PIP4K2B: variants seen among roughly 807,000 people sequenced by gnomAD.
PIP4K2B encodes phosphatidylinositol 5-phosphate 4-kinase type-2 beta.
PIP4K2B carries 3 observed loss-of-function variants against 42.0 expected under a neutral mutation model. The ratio of observed to expected loss-of-function variants is 0.07; its 90% CI spans 0.03 to 0.18. The LOEUF (loss-of-function observed/expected upper bound fraction) is 0.18, where lower values mean the gene tolerates loss of function less well. PIP4K2B is among the 10% of genes least tolerant of loss of function. The probability of loss-of-function intolerance (pLI) is 1.00; values close to 1 mark genes in which losing one functional copy is unlikely to be tolerated. For missense variants in PIP4K2B, 332 were observed against 562.3 expected, an observed-to-expected ratio of 0.59 and a Z score of 4.14; for synonymous variants, 204 against 210.1, an observed-to-expected ratio of 0.97 and a Z score of 0.25.
rs1013426068 is a variant in PIP4K2B at position 38,770,993 on chromosome 17, C to T, written c.1066+21G>A. ...AGGATGAGGGCAGGGCTGTGCAGAG[C>T]AGGCGCAGGCTCTGACTTACTTTCA... On this transcript the variant is annotated intron_variant, in intron 8 of 9. Transcript: ENST00000619039. 7 of 1,613,532 alleles carry T rather than the reference C, an allele frequency of 4.3e-6. No individual in the cohort carries two copies. The Admixed American group carries it at 5.0e-5, about 12-fold the overall frequency.
chr17:38,770,164 G>C (rs1326536594), intron 9 of PIP4K2B, among the ~76,000 whole-genome samples: 1 of 152,222 alleles, frequency 6.6e-6, no homozygotes, highest in African/African-American at 2.4e-5. Flanking sequence ...AGGCCCAGCA[G>C]GCCCTGGGGA....
intron 2 of PIP4K2B, among the ~76,000 whole-genome samples, chr17:38,784,823 G>C (rs1416881714): frequency 1.3e-5 from 2 of 152,196 alleles, no homozygotes; most frequent in African/African-American, 2.4e-5. Context: ...CTCACCCGCT[G>C]GGCCATAAGC....
chr17:38,770,963 G>C (rs771591139), intron 8 of PIP4K2B, 51 bp downstream of exon 8: 23 of 1,602,314 alleles, frequency 1.4e-5, no homozygotes, highest in East Asian at 4.5e-5. Flanking sequence ...ATGAGCTGAG[G>C]GGGTAGGATG....
chr17:38,797,056 G>A (rs1338712824), intron 1 of PIP4K2B, among the ~76,000 whole-genome samples: 1 of 152,214 alleles, frequency 6.6e-6, no homozygotes, highest in African/African-American at 2.4e-5. Flanking sequence ...GGCCTCTGAA[G>A]CTTAGCCTGT....
chr17:38,791,989 G>A (rs1298297779), intron 1 of PIP4K2B, among the ~76,000 whole-genome samples: 2 of 151,644 alleles, frequency 1.3e-5, no homozygotes, highest in South Asian at 2.1e-4. Flanking sequence ...CCAGCTACTC[G>A]GGAGGCTGAG....
At chr17:38,777,201 C>A (rs920197189) in intron 7 of PIP4K2B, among the ~76,000 whole-genome samples, 2 of 152,150 alleles carry the variant, frequency 1.3e-5, no homozygotes, top group African/African-American at 4.8e-5. Flanking sequence ...GTAGCTGGGA[C>A]TACAGGTGTG....
Position 38,799,224 on chromosome 17 carries a change from C to G in PIP4K2B, c.159+42G>C. The G allele has an allele frequency of 6.5e-7, 1 of 1,536,368 alleles. No homozygotes were observed. The highest frequency in any genetic ancestry group is 8.7e-7 in the Non-Finnish European group (1 of 1,147,590). On this transcript the variant is annotated intron_variant, in intron 1 of 9. Transcript: ENST00000619039. The surrounding 1 kb of genome is among the most constrained non-coding windows in gnomAD (Gnocchi z 4.4). ...CCCAGGGCTGCAGGGGGCGTGGGAG[C>G]GCGCGGGGCCGCGCTCAGAGGGGCG...
rs373066391 is a variant in PIP4K2B, at chr17:38,772,133, CA to C, written c.808-862del. Among the ~76,000 whole-genome samples the C allele has an allele frequency of 7.2e-4, 109 of 152,266 alleles. 1 individual carries two copies. The South Asian group carries it at 0.022, about 31-fold the overall frequency. On this transcript the variant is annotated intron_variant, in intron 7 of 9. Transcript: ENST00000619039. ...ATGGATATGACACAACAATATATTTCAGATCAAAATTTCAACCCATTATGAG... is the reference window on the plus strand; with the variant it reads ...ATGGATATGACACAACAATATATTTCGATCAAAATTTCAACCCATTATGAG...
rs772692277 is a variant in PIP4K2B at position 38,780,437 on chromosome 17, T to G, written c.507+15A>C. 2 of 1,600,404 alleles carry G rather than the reference T, an allele frequency of 1.2e-6. No individual in the cohort carries two copies. The highest frequency in any genetic ancestry group is 2.2e-5 in the South Asian group (2 of 90,442). ...CAACCCATCCTCTGCAGCCCAGGCT[T>G]GGGACTCACCATACCTGGTGGTATT... On this transcript the variant is annotated intron_variant, in intron 4 of 9. Coordinates refer to ENST00000619039, the MANE Select transcript of PIP4K2B (RefSeq NM_003559.5).
chr17:38,790,295 T>C (rs1033690722), intron 1 of PIP4K2B, among the ~76,000 whole-genome samples: 15 of 152,164 alleles, frequency 9.9e-5, no homozygotes, highest in Non-Finnish European at 2.9e-5. Context: ...CTTCTTTGTT[T>C]TTCTGCCAAC....
At chr17:38,782,970 A>G (rs1408181073) in intron 3 of PIP4K2B, among the ~76,000 whole-genome samples, 5 of 151,768 alleles carry the variant, frequency 3.3e-5, no homozygotes, top group Non-Finnish European at 7.4e-5. Context: ...GGCAGATCAC[A>G]AGGTCAGGAG....
intron 7 of PIP4K2B, among the ~76,000 whole-genome samples, chr17:38,774,774 A>T (rs999110203): frequency 6.6e-6 from 1 of 152,028 alleles, no homozygotes; most frequent in Non-Finnish European, 1.5e-5. Context: ...TGTCTCAAAA[A>T]AAATAAATAA....
intron 1 of PIP4K2B, among the ~76,000 whole-genome samples, chr17:38,791,406 A>ATTTTTTTTTTTTTTTTTT (rs58027566): frequency 3.3e-5 from 3 of 91,156 alleles, no homozygotes; most frequent in Non-Finnish European, 4.0e-5. Flanking sequence ...CAGACTGCCA[A>ATTTTTTTTTTTTTTTTTT]TTTTTTTTTT....
At chr17:38,781,142 A>C (rs1909688996) in intron 3 of PIP4K2B, among the ~76,000 whole-genome samples, 1 of 152,092 alleles carries the variant, frequency 6.6e-6, no homozygotes, top group African/African-American at 2.4e-5. Flanking sequence ...ATCTACCCTA[A>C]TGCTGAAAAA....
chr17:38,775,743 A>G (rs1022253235), intron 7 of PIP4K2B, among the ~76,000 whole-genome samples: 16 of 152,010 alleles, frequency 1.1e-4, no homozygotes, highest in African/African-American at 3.9e-4. Flanking sequence ...CTGTAGTCCC[A>G]GCTACTTGGG....
chr17:38,780,897 C>T (rs1909669242), intron 3 of PIP4K2B, among the ~76,000 whole-genome samples: 1 of 152,174 alleles, frequency 6.6e-6, no homozygotes, highest in Non-Finnish European at 1.5e-5. Flanking sequence ...ATCCTACCAA[C>T]TAAAATTCTG....
intron 1 of PIP4K2B, among the ~76,000 whole-genome samples, chr17:38,796,312 A>C (rs1430734671): frequency 6.6e-6 from 1 of 152,238 alleles, no homozygotes; most frequent in Non-Finnish European, 1.5e-5. Flanking sequence ...ACAGTTTGGC[A>C]GTTTCTCAAA....
intron 4 of PIP4K2B, 45 bp from the exon 5 acceptor site, chr17:38,779,574 G>A (rs1555545014): frequency 3.8e-6 from 6 of 1,572,762 alleles, no homozygotes; most frequent in Non-Finnish European, 5.2e-6. Flanking sequence ...AACAGGCAGT[G>A]CCAGGGATGG....
intron 1 of PIP4K2B, among the ~76,000 whole-genome samples, chr17:38,797,323 T>C (rs934418987): frequency 7.9e-5 from 12 of 152,104 alleles, no homozygotes; most frequent in Admixed American, 4.6e-4. Context: ...CGGAACACCA[T>C]GCATCACACA....
Sources: gnomAD v4.1 joint callset for allele counts (sites outside exome capture counted in the v4.1 genomes callset) on GRCh38, gnomAD v4.1.1 for gene constraint, Gnocchi (gnomAD v3.1) non-coding constraint, MANE v1.5 for transcripts, NCBI Gene and HGNC (gene_info 2026-07-23, HGNC 2026-07-21) for gene names.